Variants in PRKAG2 observed in about 807,000 individuals in gnomAD.
PRKAG2 encodes protein kinase AMP-activated non-catalytic subunit gamma 2, also known as 5'-AMP-activated protein kinase subunit gamma-2.
PRKAG2 carries 26 observed loss-of-function variants against 69.6 expected under a neutral mutation model. The observed-to-expected ratio is 0.37, with a 90% CI of 0.27 to 0.52. The LOEUF (loss-of-function observed/expected upper bound fraction) is 0.52. Ranked by LOEUF, PRKAG2 falls within the 20% of genes least tolerant of loss-of-function variation. The probability of loss-of-function intolerance (pLI) is 0.90; values close to 1 mark genes in which losing one functional copy is unlikely to be tolerated. For missense variants in PRKAG2, 557 were observed against 740.0 expected, an observed-to-expected ratio of 0.75 and a Z score of 2.87; for synonymous variants, 293 against 285.0, an observed-to-expected ratio of 1.03 and a Z score of -0.28.
chr7:151,632,483 C>G lies in PRKAG2; in HGVS notation c.685-345G>C, dbSNP rs1014783618. ...CAGCGCCTGGGCCCGGGGCGCCCCC[C>G]TCCGGCCGTGGCCCGCGTCCTCCCC... On this transcript the variant is annotated intron_variant, in intron 4 of 15. Transcript: ENST00000287878. The surrounding 1 kb of genome is among the most constrained non-coding windows in gnomAD (Gnocchi z 4.2). 2 of 821,842 alleles carry G rather than the reference C, an allele frequency of 2.4e-6. No individual in the cohort carries two copies. Among genetic ancestry groups the G allele is most frequent in the East Asian group, 1.2e-4 (1 of 8,046 alleles). 50.9% of individuals were successfully genotyped at this position (821,842 alleles called of 1,614,324 possible). A position where few individuals can be genotyped will look rare whatever the true frequency, so the allele number is the denominator to read the frequency against.
intron 4 of PRKAG2, among the ~76,000 whole-genome samples, chr7:151,656,767 G>A (rs1248084248): frequency 1.3e-5 from 2 of 152,102 alleles, no homozygotes; most frequent in East Asian, 3.9e-4. Flanking sequence ...AGAATGAAAG[G>A]TAACTTGATT....
At chr7:151,769,739 C>G (rs1586401367) in intron 3 of PRKAG2, among the ~76,000 whole-genome samples, 1 of 152,188 alleles carries the variant, frequency 6.6e-6, no homozygotes, top group South Asian at 2.1e-4. Context: ...GCAGCCGCAT[C>G]TGGGGAGGTG....
chr7:151,827,755 A>AC (rs2078934986), intron 1 of PRKAG2, among the ~76,000 whole-genome samples: 1 of 148,176 alleles, frequency 6.7e-6, no homozygotes, highest in African/African-American at 2.5e-5. Flanking sequence ...TAAAAAAAAA[A>AC]AAAAAAAAAA....
Position 151,780,007 on chromosome 7 carries a change from G to A in PRKAG2, c.466+1145C>T, listed in dbSNP as rs1373304352. Among the ~76,000 whole-genome samples the A allele has an allele frequency of 6.6e-6, 1 of 151,808 alleles. No individual in the cohort carries two copies. Among genetic ancestry groups the A allele is most frequent in the African/African-American group, 2.4e-5 (1 of 41,288 alleles). On this transcript the variant is annotated intron_variant, in intron 3 of 15. Coordinates refer to ENST00000287878, the MANE Select transcript of PRKAG2 (RefSeq NM_016203.4). The surrounding 1 kb of genome is among the most constrained non-coding windows in gnomAD (Gnocchi z 4.2). ...GCCTTGAGTGAGGGGTGTGTGTAGAGCATGGTCAGGACCTGCCCCCCACAA... is the reference window on the plus strand; with the variant it reads ...GCCTTGAGTGAGGGGTGTGTGTAGAACATGGTCAGGACCTGCCCCCCACAA...
intron 4 of PRKAG2, among the ~76,000 whole-genome samples, chr7:151,642,879 C>T (rs1826960652): frequency 1.3e-5 from 2 of 152,220 alleles, no homozygotes; most frequent in Admixed American, 1.3e-4. Flanking sequence ...TGAAGACAGT[C>T]ATTCATTCAG....
At chr7:151,760,819 C>T (rs1360823302) in intron 3 of PRKAG2, among the ~76,000 whole-genome samples, 2 of 152,220 alleles carry the variant, frequency 1.3e-5, no homozygotes, top group East Asian at 3.8e-4. Context: ...CTGGAAGATT[C>T]CAGGCTAGCT....
intron 5 of PRKAG2, chr7:151,631,833 GGCTGCGCTC>G: frequency 2.0e-6 from 1 of 498,982 alleles, no homozygotes. Context: ...CCGGGCTCAG[GGCTGCGCTC>G]TGGGAGCCTG....
At chr7:151,865,150 C>T (rs552990013) in intron 1 of PRKAG2, among the ~76,000 whole-genome samples, 7 of 152,236 alleles carry the variant, frequency 4.6e-5, no homozygotes, top group Non-Finnish European at 8.8e-5. Context: ...GAGTCTCAGC[C>T]GTGTGACTTG....
chr7:151,559,772 A>T, intron 15 of PRKAG2: 1 of 985,322 alleles, frequency 1.0e-6, no homozygotes. Context: ...TTGCTCCCAC[A>T]TCGGGTCCAT....
chr7:151,675,622 G>A lies in PRKAG2; in HGVS notation c.482C>T (p.Ser161Phe), dbSNP rs748557485. 3 of 1,613,784 alleles carry A rather than the reference G, an allele frequency of 1.9e-6. No individual in the cohort carries two copies. Among genetic ancestry groups the A allele is most frequent in the Non-Finnish European group, 2.5e-6 (3 of 1,179,628 alleles). The change falls in exon 4 of 16, where the codon TCC (serine) becomes TTC (phenylalanine). Residue 161 changes from serine (S) to phenylalanine (F), a missense_variant. Transcript: ENST00000287878. Reference protein sequence around the residue: ...SRSRKTSGLSSSPSTPTQVTK... With the variant: ...SRSRKTSGLSFSPSTPTQVTK... ...CACTTGGGTGGGTGTTGACGGAGAG[G>A]AGGAGAGGCCGGAGGCTGCAGAAGA...
rs537842017 is a variant in PRKAG2 at position 151,811,690 on chromosome 7, C to T, written c.115-25149G>A. On this transcript the variant is annotated intron_variant, in intron 1 of 15. Coordinates refer to ENST00000287878, the MANE Select transcript of PRKAG2 (RefSeq NM_016203.4). ...GCACTGTCCCACTGGTGCCGGGCTG[C>T]TGAGGCTTCAGGACAAGCCTGCCCA... Among the ~76,000 whole-genome samples, 7 of 152,338 alleles carry T rather than the reference C, an allele frequency of 4.6e-5. No homozygotes were observed. In the South Asian group the frequency reaches 1.2e-3, roughly 27 times the overall value.
At chr7:151,570,523 A>C (rs1402494999) in intron 9 of PRKAG2, among the ~76,000 whole-genome samples, 1 of 152,256 alleles carries the variant, frequency 6.6e-6, no homozygotes, top group Non-Finnish European at 1.5e-5. Context: ...GAGCAATACC[A>C]GCAGAGGTCA....
At chr7:151,772,552 G>T (rs1430830167) in intron 3 of PRKAG2, among the ~76,000 whole-genome samples, 1 of 152,190 alleles carries the variant, frequency 6.6e-6, no homozygotes, top group Non-Finnish European at 1.5e-5. Context: ...GGCAAGAAAG[G>T]CTGTGGATAT....
intron 1 of PRKAG2, among the ~76,000 whole-genome samples, chr7:151,796,138 C>A (rs1328808772): frequency 6.6e-6 from 1 of 152,048 alleles, no homozygotes; most frequent in Non-Finnish European, 1.5e-5. Flanking sequence ...TAGGCCCCCT[C>A]ACCCGAGCTG....
Position 151,570,229 on chromosome 7 carries a change from T to G in PRKAG2, c.1052-4A>C. On this transcript the variant is annotated splice_polypyrimidine_tract_variant and splice_region_variant and intron_variant, in intron 9 of 15. Coordinates refer to ENST00000287878, the MANE Select transcript of PRKAG2 (RefSeq NM_016203.4). ...AATGTTTCTTGTAAATAAAGCTCTG[T>G]ATTTATAGAAAGAAAATATGCAGTT... is the stretch of plus-strand genomic sequence containing the variant. The G allele has an allele frequency of 6.2e-7, 1 of 1,601,678 alleles. No individual in the cohort carries two copies. The highest frequency in any genetic ancestry group is 8.5e-7 in the Non-Finnish European group (1 of 1,171,402).
At chr7:151,784,545 G>A (rs1168818632) in intron 2 of PRKAG2, among the ~76,000 whole-genome samples, 4 of 152,190 alleles carry the variant, frequency 2.6e-5, no homozygotes, top group Non-Finnish European at 5.9e-5. Flanking sequence ...TGACAGGGCC[G>A]GGGAGGTGTC....
rs1190072949 is a variant in PRKAG2 at position 151,699,723 on chromosome 7, T to A, written c.467-24086A>T. 6.6e-6 allele frequency among the ~76,000 whole-genome samples: 1 copy of A among 152,104 alleles called. No homozygotes were observed. The highest frequency in any genetic ancestry group is 1.5e-5 in the Non-Finnish European group (1 of 68,016). On this transcript the variant is annotated intron_variant, in intron 3 of 15. Transcript: ENST00000287878. This position sits in a 1 kb window ranked among gnomAD's most constrained non-coding sequence, Gnocchi z 4.5. ...AGCCATTAAGACAGTGCAGGAAGCA[T>A]CTGATGGAGGACACGTCAATCTTTT... is the stretch of plus-strand genomic sequence containing the variant.
chr7:151,653,178 G>A (rs2151403191), intron 4 of PRKAG2, among the ~76,000 whole-genome samples: 1 of 149,610 alleles, frequency 6.7e-6, no homozygotes, highest in Non-Finnish European at 1.5e-5. Context: ...TATAAACCAA[G>A]AGGTCCTGTT....
chr7:151,747,574 C>CCAAA (rs990204173), intron 3 of PRKAG2, among the ~76,000 whole-genome samples: 18 of 151,716 alleles, frequency 1.2e-4, no homozygotes, highest in South Asian at 2.1e-4. Context: ...AACCAACCAA[C>CCAAA]CAAACAAACA....
Sources: allele counts gnomAD v4.1 joint callset (sites outside exome capture counted in the v4.1 genomes callset), GRCh38; gene constraint gnomAD v4.1.1; non-coding constraint Gnocchi (gnomAD v3.1); transcripts MANE v1.5; gene names NCBI Gene and HGNC (gene_info 2026-07-23, HGNC 2026-07-21).